The following COL4A6 variants were observed in gnomAD, a reference collection of about 807,000 sequenced individuals.
The protein encoded by COL4A6 is collagen alpha-6(IV) chain.
COL4A6 carries 59 observed loss-of-function variants against 126.7 expected under a neutral mutation model. That is an observed-to-expected ratio of 0.47 (90% CI 0.38 to 0.58). The LOEUF is 0.58. COL4A6 is among the 20% of genes least tolerant of loss of function. COL4A6 has a pLI of 0.00. For synonymous variants in COL4A6, 547 were observed against 496.6 expected, an observed-to-expected ratio of 1.10 and a Z score of -1.35; for missense variants, 1,285 against 1,337.3, an observed-to-expected ratio of 0.96 and a Z score of 0.61.
At position 108,352,238 on chromosome X, in the gene COL4A6, G is replaced by GAAATGAACACTA. The variant is rs755313964; in HGVS notation, c.64-41422_64-41411dup. On this transcript the variant is annotated intron_variant, in intron 2 of 44. Coordinates refer to ENST00000334504, the MANE Select transcript of COL4A6 (RefSeq NM_033641.4). ...AGAGAAGAACATGCCTGATGCATAA[G>GAAATGAACACTA]AAATGAACACTAAAGCTGTGTTGAA... Among the ~76,000 whole-genome samples, 3 of 112,637 alleles carry GAAATGAACACTA rather than the reference G, an allele frequency of 2.7e-5. No homozygotes were observed. The Admixed American group carries it at 2.8e-4, about 11-fold the overall frequency.
intron 24 of COL4A6, 99 bp from the exon 25 acceptor site, chrX:108,180,721 C>A: frequency 1.3e-6 from 1 of 792,102 alleles, no homozygotes; most frequent in South Asian, 2.4e-5. Context: ...TGGAGAGCCT[C>A]TCCTTGTCTC....
At chrX:108,322,171 G>T (rs936695438) in intron 2 of COL4A6, among the ~76,000 whole-genome samples, 1 of 110,425 alleles carries the variant, frequency 9.1e-6, no homozygotes, top group South Asian at 3.8e-4. Context: ...ACACACACAC[G>T]GGCACACACA....
At chrX:108,233,601 A>T (rs2036364768) in intron 3 of COL4A6, among the ~76,000 whole-genome samples, 1 of 111,829 alleles carries the variant, frequency 8.9e-6, no homozygotes, top group African/African-American at 3.3e-5. Context: ...TCCCATGCAA[A>T]CTCACATCCC....
chrX:108,386,525 A>G (rs1265249696), intron 2 of COL4A6, among the ~76,000 whole-genome samples: 2 of 112,279 alleles, frequency 1.8e-5, no homozygotes, highest in Non-Finnish European at 3.8e-5. Flanking sequence ...TCTTCTTTTG[A>G]GAAGTGAATG....
rs745381116 is a variant in COL4A6, at chrX:108,156,729, G to T, written c.*271C>A. ...CAGTTGTGGCCCATCAAATCTTTCT[G>T]AGGTAGCCATGAATAGTCACACAAT... On this transcript the variant is annotated 3_prime_UTR_variant, in exon 45 of 45. Coordinates refer to ENST00000334504, the MANE Select transcript of COL4A6 (RefSeq NM_033641.4). The T allele has an allele frequency of 7.7e-6, 3 of 387,902 alleles. No homozygotes were observed. Among genetic ancestry groups the T allele is most frequent in the Non-Finnish European group, 1.3e-5 (3 of 224,047 alleles). The allele number at this position is 387,902 out of a possible 1,213,427, so 32.0% of individuals were successfully genotyped here. A position where few individuals can be genotyped will look rare whatever the true frequency, so the allele number is the denominator to read the frequency against.
At chrX:108,297,907 T>G (rs909118165) in intron 3 of COL4A6, among the ~76,000 whole-genome samples, 3 of 109,406 alleles carry the variant, frequency 2.7e-5, no homozygotes, top group Non-Finnish European at 5.7e-5. Flanking sequence ...TCTTCTCCTT[T>G]CTATCCCATC....
chrX:108,384,102 T>C, intron 2 of COL4A6: 1 of 299,526 alleles, frequency 3.3e-6, no homozygotes, highest in Non-Finnish European at 6.0e-6. Flanking sequence ...CATCCATTCA[T>C]CTACCCATTT....
intron 2 of COL4A6, chrX:108,384,054 T>C (rs1180169550): frequency 3.3e-5 from 15 of 453,525 alleles, no homozygotes; most frequent in South Asian, 6.1e-5. Context: ...TACCTGTCTA[T>C]GCATTCATTC....
intron 3 of COL4A6, among the ~76,000 whole-genome samples, chrX:108,262,049 G>A (rs2037176286): frequency 8.9e-6 from 1 of 111,777 alleles, no homozygotes; most frequent in South Asian, 3.7e-4. Context: ...GGATTTGTTG[G>A]GTCCTGTTTT....
chrX:108,341,214 C>T (rs113948899), intron 2 of COL4A6, among the ~76,000 whole-genome samples: 10,018 of 111,008 alleles, frequency 0.09, 475 homozygotes, highest in Non-Finnish European at 0.13. Context: ...AAGTTGTTCT[C>T]GCCACTTGGA....
At chrX:108,199,182 T>C (rs2035313485) in intron 13 of COL4A6, among the ~76,000 whole-genome samples, 2 of 110,121 alleles carry the variant, frequency 1.8e-5, no homozygotes, top group East Asian at 5.7e-4. Flanking sequence ...AGAAAACAAA[T>C]AGTTAAAAGG....
At chrX:108,339,043 C>CA (rs2039498567) in intron 2 of COL4A6, among the ~76,000 whole-genome samples, 1 of 110,478 alleles carries the variant, frequency 9.1e-6, no homozygotes, top group South Asian at 3.8e-4. Context: ...CTCTCCCTGC[C>CA]AAAAAAAATG....
intron 39 of COL4A6, 77 bp from the exon 40 acceptor site, chrX:108,164,775 G>A: frequency 8.5e-7 from 1 of 1,179,358 alleles, no homozygotes; most frequent in Non-Finnish European, 1.2e-6. Context: ...CAGGGGTGAG[G>A]TAGGGAAGAA....
At chrX:108,176,688 T>C (rs1418347326) in intron 28 of COL4A6, among the ~76,000 whole-genome samples, 153 bp downstream of exon 28, 1 of 112,269 alleles carries the variant, frequency 8.9e-6, no homozygotes, top group East Asian at 2.8e-4. Flanking sequence ...GGTCCCCCTT[T>C]AGCACTAGCC....
At chrX:108,407,829 C>T (rs1433274024) in intron 2 of COL4A6, among the ~76,000 whole-genome samples, 1 of 112,462 alleles carries the variant, frequency 8.9e-6, no homozygotes, top group African/African-American at 3.2e-5. Flanking sequence ...ATGGATTCTG[C>T]TGCTGATGGT....
intron 2 of COL4A6, among the ~76,000 whole-genome samples, chrX:108,369,033 C>T (rs933470007): frequency 4.5e-5 from 5 of 111,742 alleles, no homozygotes; most frequent in Admixed American, 1.9e-4. Context: ...ATAGTAAATA[C>T]GAAAACCAGT....
At chrX:108,195,000 C>T (rs1602772533) in intron 15 of COL4A6, 82 bp downstream of exon 15, 2 of 762,470 alleles carry the variant, frequency 2.6e-6, no homozygotes, top group East Asian at 3.2e-5. Flanking sequence ...TAATGTCTCC[C>T]TTTGGCCATG....
Position 108,438,209 on chromosome X carries a change from TC to T in COL4A6, c.-14del. 2 of 1,188,666 alleles carry T rather than the reference TC, an allele frequency of 1.7e-6. No homozygotes were observed. Among genetic ancestry groups the T allele is most frequent in the Non-Finnish European group, 2.3e-6 (2 of 885,849 alleles). Reference sequence around the variant, plus strand: ...ACCCAGGGTGCATGCTTGCGGCTCCTCCGGAGCTGGGTCCCGGGAGACTGCT... The same window carrying T: ...ACCCAGGGTGCATGCTTGCGGCTCCTCGGAGCTGGGTCCCGGGAGACTGCT... On this transcript the variant is annotated 5_prime_UTR_variant, in exon 1 of 45. Coordinates refer to ENST00000334504, the MANE Select transcript of COL4A6 (RefSeq NM_033641.4).
At chrX:108,291,727 G>A (rs1048365689) in intron 3 of COL4A6, among the ~76,000 whole-genome samples, 6 of 111,684 alleles carry the variant, frequency 5.4e-5, no homozygotes, top group Non-Finnish European at 9.4e-5. Flanking sequence ...TAGCTGAGAC[G>A]GGAAATTGCC....
Sources: allele counts gnomAD v4.1 joint callset (sites outside exome capture counted in the v4.1 genomes callset), GRCh38; gene constraint gnomAD v4.1.1; transcripts MANE v1.5; gene names NCBI Gene and HGNC (gene_info 2026-07-23, HGNC 2026-07-21).